Variants in IGSF11 observed in about 807,000 individuals in gnomAD.
The protein encoded by IGSF11 is CXADR like 1.
IGSF11 carries 22 observed loss-of-function variants against 41.0 expected under a neutral mutation model. The ratio of observed to expected loss-of-function variants is 0.54; its 90% CI spans 0.38 to 0.77. The LOEUF (loss-of-function observed/expected upper bound fraction) is 0.77. Ranked by LOEUF, IGSF11 falls within the 30% of genes least tolerant of loss-of-function variation. IGSF11 has a pLI of 0.00. For missense variants in IGSF11, 444 were observed against 530.8 expected (o/e 0.84, Z 1.61); for synonymous variants, 219 against 201.3 (o/e 1.09, Z -0.74).
intron 1 of IGSF11, among the ~76,000 whole-genome samples, chr3:118,932,846 A>T (rs1025843264): frequency 1.3e-4 from 20 of 152,260 alleles, no homozygotes; most frequent in African/African-American, 4.6e-4. Flanking sequence ...GCCAACTTAA[A>T]CTACACGGGA....
In IGSF11 at chr3:118,902,148, A is replaced by G. The variant is rs1938939856; in HGVS notation, c.*372T>C. 1 of 181,068 alleles carries G rather than the reference A, an allele frequency of 5.5e-6. No homozygotes were observed. Among genetic ancestry groups the G allele is most frequent in the Non-Finnish European group, 1.2e-5 (1 of 85,270 alleles). 11.2% of individuals were successfully genotyped at this position (181,068 alleles called of 1,614,324 possible). A position where few individuals can be genotyped will look rare whatever the true frequency, so the allele number is the denominator to read the frequency against. ...ACACCTACCTTTTAAAATAATTTCA[A>G]TATTTAAACTCCATCTGGCACTTTA... On this transcript the variant is annotated 3_prime_UTR_variant, in exon 7 of 7. Transcript: ENST00000393775.
intron 1 of IGSF11, among the ~76,000 whole-genome samples, chr3:119,068,436 T>A: frequency 6.6e-6 from 1 of 152,242 alleles, no homozygotes; most frequent in Admixed American, 6.5e-5. Flanking sequence ...TTCTTAGCAC[T>A]TCTTTTAGCT....
At chr3:118,979,657 A>C (rs948412479) in intron 1 of IGSF11, among the ~76,000 whole-genome samples, 1 of 152,202 alleles carries the variant, frequency 6.6e-6, no homozygotes, top group Non-Finnish European at 1.5e-5. Flanking sequence ...AAGCACAGGC[A>C]ACAAAAACAA....
chr3:119,047,537 C>T (rs959038854), intron 1 of IGSF11, among the ~76,000 whole-genome samples: 1 of 152,164 alleles, frequency 6.6e-6, no homozygotes, highest in Non-Finnish European at 1.5e-5. Context: ...GACTCCCACA[C>T]ATTAATAATG....
In IGSF11 at chr3:119,034,649, G is replaced by C. The variant is rs1559824063; in HGVS notation, c.-67C>G. ...CGGTCGCAACAGGAGAGGAGCGGGCGTGAGTCTCCGCGCTCTTGGGGCAGC... is the reference window on the plus strand; with the variant it reads ...CGGTCGCAACAGGAGAGGAGCGGGCCTGAGTCTCCGCGCTCTTGGGGCAGC... On this transcript the variant is annotated 5_prime_UTR_variant, in exon 1 of 7. Transcript: ENST00000393775. The C allele has an allele frequency of 4.7e-6, 7 of 1,490,852 alleles. No individual in the cohort carries two copies. Among genetic ancestry groups the C allele is most frequent in the Non-Finnish European group, 5.4e-6 (6 of 1,115,490 alleles). 92.4% of individuals were successfully genotyped at this position (1,490,852 alleles called of 1,614,324 possible). A position where few individuals can be genotyped will look rare whatever the true frequency, so the allele number is the denominator to read the frequency against.
chr3:119,069,272 A>G (rs1248276907), intron 1 of IGSF11, among the ~76,000 whole-genome samples: 1 of 152,150 alleles, frequency 6.6e-6, no homozygotes, highest in Non-Finnish European at 1.5e-5. Context: ...GAGAGACAAC[A>G]TGCTTACATT....
intron 1 of IGSF11, among the ~76,000 whole-genome samples, chr3:119,050,382 A>G (rs112140719): frequency 3.3e-5 from 5 of 152,240 alleles, no homozygotes; most frequent in Non-Finnish European, 7.3e-5. Flanking sequence ...GCAGCCAAAA[A>G]ACACATGAAA....
chr3:118,964,850 ATAGT>A (rs1373910208), intron 1 of IGSF11, among the ~76,000 whole-genome samples: 12 of 152,324 alleles, frequency 7.9e-5, no homozygotes, highest in South Asian at 2.1e-4. Flanking sequence ...TCCATAGCTC[ATAGT>A]TAGCCTCAGA....
chr3:119,038,015 A>G (rs1940978707), upstream of IGSF11, among the ~76,000 whole-genome samples: 1 of 152,190 alleles, frequency 6.6e-6, no homozygotes, highest in Non-Finnish European at 1.5e-5. Context: ...TGCTTGAGCC[A>G]GTAACTCATT....
At chr3:119,097,957 ATTTT>A (rs377746200) in intron 1 of IGSF11, among the ~76,000 whole-genome samples, 14 of 58,360 alleles carry the variant, frequency 2.4e-4, no homozygotes, top group East Asian at 5.5e-4. Context: ...CATTCAGCTA[ATTTT>A]TTTTTTTTTT....
intron 1 of IGSF11, among the ~76,000 whole-genome samples, chr3:119,027,111 G>A (rs1454562000): frequency 6.6e-6 from 1 of 152,016 alleles, no homozygotes; most frequent in Non-Finnish European, 1.5e-5. Context: ...TGTAAGATCT[G>A]TGTAACAAAG....
At chr3:118,916,374 G>C (rs1461425234) in intron 4 of IGSF11, among the ~76,000 whole-genome samples, 1 of 152,116 alleles carries the variant, frequency 6.6e-6, no homozygotes, top group Non-Finnish European at 1.5e-5. Context: ...CTCACGTGCA[G>C]AGATACACAT....
chr3:119,131,529 C>T (rs1215731143), intron 1 of IGSF11, among the ~76,000 whole-genome samples: 1 of 152,180 alleles, frequency 6.6e-6, no homozygotes, highest in Non-Finnish European at 1.5e-5. Context: ...GGAACAAAGC[C>T]TCCAAGAAAT....
chr3:118,971,530 C>T (rs867139462), intron 1 of IGSF11, among the ~76,000 whole-genome samples: 3 of 152,082 alleles, frequency 2.0e-5, no homozygotes, highest in South Asian at 2.1e-4. Flanking sequence ...TTGGGCCGGG[C>T]GCAGTGGCTC....
chr3:119,007,370 C>A (rs1171118587), intron 1 of IGSF11, among the ~76,000 whole-genome samples: 1 of 145,160 alleles, frequency 6.9e-6, no homozygotes, highest in South Asian at 2.3e-4. Context: ...GTCTGGCACT[C>A]CCTAGTGAGA....
intron 1 of IGSF11, among the ~76,000 whole-genome samples, chr3:119,003,522 C>A (rs39960): frequency 6.6e-6 from 1 of 150,996 alleles, no homozygotes; most frequent in Admixed American, 6.6e-5. Flanking sequence ...TGAATAGGAG[C>A]GGTAAGAGAG....
At chr3:118,905,080 C>T (rs939882522) in intron 5 of IGSF11, among the ~76,000 whole-genome samples, 5 of 152,152 alleles carry the variant, frequency 3.3e-5, no homozygotes, top group African/African-American at 7.2e-5. Context: ...TAACAGACAG[C>T]ACCAATCTAA....
At chr3:119,033,553 G>A (rs1940620454) in intron 1 of IGSF11, among the ~76,000 whole-genome samples, 1 of 152,168 alleles carries the variant, frequency 6.6e-6, no homozygotes, top group Non-Finnish European at 1.5e-5. Flanking sequence ...CACAAGTTAA[G>A]TTGGCTAGTA....
intron 1 of IGSF11, among the ~76,000 whole-genome samples, chr3:118,980,686 G>A (rs1046773954): frequency 5.9e-5 from 9 of 152,246 alleles, no homozygotes; most frequent in South Asian, 4.2e-4. Context: ...GAAATGAAAC[G>A]TGCCCAACAC....
Sources: allele counts gnomAD v4.1 joint callset (sites outside exome capture counted in the v4.1 genomes callset), GRCh38; gene constraint gnomAD v4.1.1; transcripts MANE v1.5; gene names NCBI Gene and HGNC (gene_info 2026-07-23, HGNC 2026-07-21).